Variants in ASIC2 observed in about 807,000 individuals in gnomAD.
The protein encoded by ASIC2 is acid-sensing ion channel 2.
Under a neutral mutation model 57.3 loss-of-function variants are expected in ASIC2, and 25 were observed. The ratio of observed to expected loss-of-function variants is 0.44; its 90% CI spans 0.32 to 0.61. The LOEUF (loss-of-function observed/expected upper bound fraction) is 0.61. ASIC2 is among the 20% of genes least tolerant of loss of function. The pLI is 0.06. For synonymous variants in ASIC2, 319 were observed against 307.5 expected (o/e 1.04, Z -0.39); for missense variants, 641 against 738.1 (o/e 0.87, Z 1.52).
chr17:33,499,246 C>T (rs1436647498), intron 1 of ASIC2, among the ~76,000 whole-genome samples: 1 of 152,224 alleles, frequency 6.6e-6, no homozygotes, highest in Non-Finnish European at 1.5e-5. Context: ...CAGGCCTAAG[C>T]CAACTGGCAA....
chr17:33,732,806 A>G lies in ASIC2; in HGVS notation c.555+423172T>C, dbSNP rs577578166. 8.6e-5 allele frequency among the ~76,000 whole-genome samples: 13 copies of G among 151,952 alleles called. No individual in the cohort carries two copies. The South Asian group carries it at 2.7e-3, about 32-fold the overall frequency. On this transcript the variant is annotated intron_variant, in intron 1 of 9. Coordinates refer to the ASIC2 transcript ENST00000359872. ...GTGTGCACCACCAAGCCTGGCTAAT[A>G]TTTGTAATTTTAGTAGAGACAGGGT... is the stretch of plus-strand genomic sequence containing the variant.
intron 1 of ASIC2, among the ~76,000 whole-genome samples, chr17:33,932,143 T>C (rs1396852354): frequency 6.6e-6 from 1 of 152,026 alleles, no homozygotes; most frequent in Non-Finnish European, 1.5e-5. Context: ...TCTCCCTCTC[T>C]CTCCCTTCAC....
chr17:33,817,565 T>C lies in ASIC2; in HGVS notation c.555+338413A>G, dbSNP rs574128477. ...TGCCATTTCAGAGGCAGAGAATCTT[T>C]GGTGCAAATTCTAGCCTGGACATTC... On this transcript the variant is annotated intron_variant, in intron 1 of 9. Coordinates refer to the ASIC2 transcript ENST00000359872. Among the ~76,000 whole-genome samples the C allele has an allele frequency of 3.9e-5, 6 of 152,298 alleles. 1 individual carries two copies. In the South Asian group the frequency reaches 1.2e-3, roughly 32 times the overall value.
At chr17:33,932,331 G>A (rs1446085182) in intron 1 of ASIC2, among the ~76,000 whole-genome samples, 2 of 152,118 alleles carry the variant, frequency 1.3e-5, no homozygotes, top group Non-Finnish European at 2.9e-5. Flanking sequence ...TATGACAAAA[G>A]GTGAAATATG....
At chr17:33,795,127 A>G (rs1189387127) in intron 1 of ASIC2, among the ~76,000 whole-genome samples, 1 of 152,202 alleles carries the variant, frequency 6.6e-6, no homozygotes, top group Non-Finnish European at 1.5e-5. Context: ...GAACTTCTCT[A>G]CATTACAGAG....
At chr17:33,268,703 G>A (rs73982488) in intron 1 of ASIC2, among the ~76,000 whole-genome samples, 12,130 of 152,090 alleles carry the variant, frequency 0.08, 651 homozygotes, top group South Asian at 0.23. Flanking sequence ...ACCTACCACC[G>A]TCCCAAGCAC....
intron 1 of ASIC2, among the ~76,000 whole-genome samples, chr17:33,694,061 G>A (rs1908454369): frequency 6.6e-6 from 1 of 152,180 alleles, no homozygotes; most frequent in Non-Finnish European, 1.5e-5. Flanking sequence ...AAAATCAGGT[G>A]GAGGTGGAGT....
intron 1 of ASIC2, among the ~76,000 whole-genome samples, chr17:33,388,019 G>T (rs146844664): frequency 5.3e-4 from 80 of 152,314 alleles, no homozygotes; most frequent in African/African-American, 1.8e-3. Flanking sequence ...GGCAGAGGTT[G>T]CAGTGAGCTG....
intron 1 of ASIC2, among the ~76,000 whole-genome samples, chr17:34,122,910 G>C (rs1911667727): frequency 6.6e-6 from 1 of 152,212 alleles, no homozygotes; most frequent in African/African-American, 2.4e-5. Flanking sequence ...ACACAAAGCA[G>C]CCTCATAAAG....
intron 1 of ASIC2, among the ~76,000 whole-genome samples, chr17:33,476,851 C>T (rs904893226): frequency 3.3e-5 from 5 of 152,026 alleles, no homozygotes; most frequent in African/African-American, 9.7e-5. Flanking sequence ...CAGTCAGTCT[C>T]GTGTGGCATG....
rs139017337 is a variant in ASIC2, at chr17:33,631,302, G to A, written c.556-519235C>T. On this transcript the variant is annotated intron_variant, in intron 1 of 9. Transcript: ENST00000359872. ...TTTGTGCTCCCCCTCAGTCTTAAGC[G>A]TGGCATGCTGCTTTTAGTGATTTTT... 6.7e-3 allele frequency among the ~76,000 whole-genome samples: 1,010 copies of A among 150,656 alleles called. 17 individuals carry two copies. The highest frequency in any genetic ancestry group is 0.022 in the African/African-American group (919 of 41,090).
Position 34,153,081 on chromosome 17 carries a change from C to T in ASIC2, c.555+2897G>A, listed in dbSNP as rs187306195. Among the ~76,000 whole-genome samples the T allele has an allele frequency of 1.8e-4, 27 of 152,342 alleles. No homozygotes were observed. In the East Asian group the frequency reaches 5.2e-3, roughly 29 times the overall value. ...CCTCCGCAGACAGCCTTCTCTCACT[C>T]TGCTAGAATCATGGCTCATTCACTA... On this transcript the variant is annotated intron_variant, in intron 1 of 9. Transcript: ENST00000359872.
chr17:33,111,922 T>C lies in ASIC2; in HGVS notation c.854A>G (p.Glu285Gly). The C allele has an allele frequency of 6.2e-7, 1 of 1,611,574 alleles. No homozygotes were observed. Among genetic ancestry groups the C allele is most frequent in the Non-Finnish European group, 8.5e-7 (1 of 1,178,912 alleles). Residue 285 changes from glutamate to glycine, a missense_variant, in exon 2 of 10, where the codon GAG becomes GGG. Physicochemically the swap from Glu to Gly is moderately conservative, Grantham distance 98. Transcript: ENST00000225823. ...GGTCCCTGTGCCCAGCTCACCTGTC[T>C]CTCCCCAGATGGGCAGGTACTCATC... ...QQDEYLPIWG[E>G]TEETTFEAGV...
chr17:34,011,772 C>T (rs1437490432), intron 1 of ASIC2, among the ~76,000 whole-genome samples: 1 of 152,156 alleles, frequency 6.6e-6, no homozygotes, highest in Non-Finnish European at 1.5e-5. Context: ...TAGCATCTGA[C>T]CCCATGGCTC....
chr17:33,612,775 C>G (rs1434592), intron 1 of ASIC2, among the ~76,000 whole-genome samples: 11,672 of 152,228 alleles, frequency 0.077, 1,343 homozygotes, highest in African/African-American at 0.25. Context: ...ACCATATGGA[C>G]GAGAGGAGCA....
chr17:34,104,513 T>G (rs1910974016), intron 1 of ASIC2, among the ~76,000 whole-genome samples: 1 of 152,138 alleles, frequency 6.6e-6, no homozygotes. Context: ...AATAGAAGAT[T>G]CAGCATTCTG....
Position 33,021,206 on chromosome 17 carries a change from G to C in ASIC2, c.1441+13C>G. 9.6e-7 allele frequency: 1 copy of C among 1,036,560 alleles called. No homozygotes were observed. Among genetic ancestry groups the C allele is most frequent in the Non-Finnish European group, 1.4e-6 (1 of 728,050 alleles). 64.2% of individuals were successfully genotyped at this position (1,036,560 alleles called of 1,614,324 possible). A position where few individuals can be genotyped will look rare whatever the true frequency, so the allele number is the denominator to read the frequency against. Reference sequence around the variant, plus strand: ...ATGAGATGTGGAAATTTGTGCAATAGACACTGACTTACCAAGTAAGGCAGC... The same window carrying C: ...ATGAGATGTGGAAATTTGTGCAATACACACTGACTTACCAAGTAAGGCAGC... On this transcript the variant is annotated intron_variant, in intron 7 of 9. Coordinates refer to ENST00000225823, the MANE Select transcript of ASIC2 (RefSeq NM_183377.2).
At chr17:34,064,393 C>A (rs1909088846) in intron 1 of ASIC2, among the ~76,000 whole-genome samples, 1 of 152,168 alleles carries the variant, frequency 6.6e-6, no homozygotes, top group Admixed American at 6.5e-5. Flanking sequence ...GGATTAAGGA[C>A]TTAAACCTAA....
chr17:33,199,311 C>T (rs571259970), intron 1 of ASIC2, among the ~76,000 whole-genome samples: 1 of 152,308 alleles, frequency 6.6e-6, no homozygotes, highest in East Asian at 1.9e-4. Context: ...CTGTGTCTGA[C>T]GCGTGAGAAG....
Sources: gnomAD v4.1 joint callset for allele counts (sites outside exome capture counted in the v4.1 genomes callset) on GRCh38, gnomAD v4.1.1 for gene constraint, MANE v1.5 for transcripts, NCBI Gene and HGNC (gene_info 2026-07-23, HGNC 2026-07-21) for gene names.